EPHA3: variants seen among roughly 807,000 people sequenced by gnomAD.
The protein encoded by EPHA3 is ephrin type-A receptor 3.
Under a neutral mutation model 107.1 loss-of-function variants are expected in EPHA3, and 42 were observed. The observed-to-expected ratio is 0.39, with a 90% CI of 0.31 to 0.51. The LOEUF (loss-of-function observed/expected upper bound fraction) is 0.51, where lower values mean the gene tolerates loss of function less well. Ranked by LOEUF, EPHA3 falls within the 20% of genes least tolerant of loss-of-function variation. The pLI is 0.78. For missense variants in EPHA3, 1,183 were observed against 1,211.2 expected (o/e 0.98, Z 0.35); for synonymous variants, 461 against 424.8 (o/e 1.09, Z -1.05).
At chr3:89,288,579 A>G (rs1706143185) in intron 3 of EPHA3, among the ~76,000 whole-genome samples, 1 of 152,148 alleles carries the variant, frequency 6.6e-6, no homozygotes, top group African/African-American at 2.4e-5. Context: ...TTGAACCAAT[A>G]CTTCTATGTG....
intron 16 of EPHA3, among the ~76,000 whole-genome samples, chr3:89,473,266 A>G (rs1710442611): frequency 6.6e-6 from 1 of 152,208 alleles, no homozygotes; most frequent in African/African-American, 2.4e-5. Context: ...ATTAATTGAT[A>G]GCTTTATGTG....
At chr3:89,170,552 A>C (rs77735727) in intron 2 of EPHA3, among the ~76,000 whole-genome samples, 2,594 of 152,264 alleles carry the variant, frequency 0.017, 69 homozygotes, top group African/African-American at 0.057. Flanking sequence ...AGTTGATGAC[A>C]TACGAACTAG....
In EPHA3 at chr3:89,479,550, C is replaced by G. The variant is rs745738907; in HGVS notation, c.*48C>G. On this transcript the variant is annotated 3_prime_UTR_variant, in exon 17 of 17. Transcript: ENST00000336596. ...GGACGGAAGTGGTGGCTGTGGAAGG[C>G]GTAGCATCATCCTGCAGACAGACAA... The G allele has an allele frequency of 1.4e-6, 2 of 1,415,046 alleles. No homozygotes were observed. Among genetic ancestry groups the G allele is most frequent in the East Asian group, 4.6e-5 (2 of 43,828 alleles). The allele number at this position is 1,415,046 out of a possible 1,614,324, so 87.7% of individuals were successfully genotyped here.
At chr3:89,225,329 C>A (rs1206077122) in intron 3 of EPHA3, among the ~76,000 whole-genome samples, 1 of 152,010 alleles carries the variant, frequency 6.6e-6, no homozygotes, top group Non-Finnish European at 1.5e-5. Flanking sequence ...TTACTTACTC[C>A]AAAAGATTTT....
chr3:89,254,382 G>A (rs1435116137), intron 3 of EPHA3, among the ~76,000 whole-genome samples: 4 of 152,140 alleles, frequency 2.6e-5, no homozygotes, highest in African/African-American at 9.7e-5. Context: ...AATAATGGGA[G>A]GAGCCATCGA....
At chr3:89,279,286 T>C (rs576741390) in intron 3 of EPHA3, among the ~76,000 whole-genome samples, 1 of 152,224 alleles carries the variant, frequency 6.6e-6, no homozygotes, top group African/African-American at 2.4e-5. Flanking sequence ...GTCTTTTCTT[T>C]TAATGGAATT....
intron 3 of EPHA3, among the ~76,000 whole-genome samples, chr3:89,308,439 G>A (rs1706679395): frequency 1.3e-5 from 2 of 152,072 alleles, no homozygotes; most frequent in South Asian, 4.1e-4. Flanking sequence ...AATAGTGTGT[G>A]GGTGGGTGGT....
intron 12 of EPHA3, among the ~76,000 whole-genome samples, chr3:89,429,807 G>T (rs554712271): frequency 6.7e-6 from 1 of 149,094 alleles, no homozygotes; most frequent in South Asian, 2.1e-4. Context: ...TGGTGCAATG[G>T]TGCAATGGTG....
chr3:89,235,374 G>GAGCCTAA (rs1451850699), intron 3 of EPHA3, among the ~76,000 whole-genome samples: 1 of 152,082 alleles, frequency 6.6e-6, no homozygotes, highest in Non-Finnish European at 1.5e-5. Flanking sequence ...CTAGAGATGT[G>GAGCCTAA]AGCCTAAGAT....
chr3:89,419,230 T>C lies in EPHA3; in HGVS notation c.1914T>C (p.Gly638=), dbSNP rs148141668. 20 of 1,609,038 alleles carry C rather than the reference T, an allele frequency of 1.2e-5. No homozygotes were observed. In the African/African-American group the frequency reaches 2.4e-4, roughly 19 times the overall value. The change falls in exon 11 of 17, where the codon GGT becomes GGC. Residue 638 remains glycine (G), a synonymous_variant. Coordinates refer to ENST00000336596, the MANE Select transcript of EPHA3 (RefSeq NM_005233.6). The part of the protein sequence containing the change: ...GAGEFGEVCS[G]RLKLPSKKEI... ...GTGAATTTGGAGAGGTGTGCAGTGG[T>C]CGCTTAAAACTTCCTTCAAAAAAAG...
intron 3 of EPHA3, among the ~76,000 whole-genome samples, chr3:89,222,603 T>C (rs1439894252): frequency 6.6e-6 from 1 of 151,576 alleles, no homozygotes; most frequent in Non-Finnish European, 1.5e-5. Context: ...TTAGTACATA[T>C]ACATTTTTAG....
chr3:89,245,382 TA>T (rs1252633463), intron 3 of EPHA3, among the ~76,000 whole-genome samples: 10 of 152,214 alleles, frequency 6.6e-5, no homozygotes, highest in Admixed American at 1.3e-4. Context: ...TCACAGTTAA[TA>T]ATCTTCAAAA....
intron 5 of EPHA3, among the ~76,000 whole-genome samples, chr3:89,384,614 G>A: frequency 6.6e-6 from 1 of 152,132 alleles, no homozygotes; most frequent in Admixed American, 6.5e-5. Flanking sequence ...ACAATTAAAT[G>A]CATATCTGTC....
At chr3:89,351,239 T>C (rs569626171) in intron 5 of EPHA3, among the ~76,000 whole-genome samples, 2,454 of 151,166 alleles carry the variant, frequency 0.016, 70 homozygotes, top group African/African-American at 0.053. Flanking sequence ...TGCAGTTTGA[T>C]CTCAGACTGC....
intron 3 of EPHA3, among the ~76,000 whole-genome samples, chr3:89,282,459 T>C (rs987312979): frequency 1.3e-5 from 2 of 152,146 alleles, no homozygotes; most frequent in Non-Finnish European, 2.9e-5. Context: ...TATATACTTT[T>C]CATTTGGGAG....
chr3:89,327,163 T>C (rs1318576744), intron 3 of EPHA3, among the ~76,000 whole-genome samples: 7 of 152,144 alleles, frequency 4.6e-5, no homozygotes, highest in Non-Finnish European at 7.4e-5. Context: ...ACATGTAGAA[T>C]GTGCTTTCTA....
At chr3:89,219,397 A>G (rs1039240010) in intron 3 of EPHA3, among the ~76,000 whole-genome samples, 1 of 152,018 alleles carries the variant, frequency 6.6e-6, no homozygotes, top group Non-Finnish European at 1.5e-5. Context: ...TCTCCACCTC[A>G]GGTGATCTGC....
chr3:89,322,243 T>G (rs1164174845), intron 3 of EPHA3, among the ~76,000 whole-genome samples: 1 of 152,080 alleles, frequency 6.6e-6, no homozygotes, highest in Admixed American at 6.6e-5. Flanking sequence ...AATAATGCTA[T>G]GATCACCTAA....
chr3:89,354,201 C>T (rs1159020896), intron 5 of EPHA3, among the ~76,000 whole-genome samples: 1 of 151,082 alleles, frequency 6.6e-6, no homozygotes, highest in Non-Finnish European at 1.5e-5. Flanking sequence ...ATGTGTTCTA[C>T]CTCCCTAAAG....
Sources: allele counts gnomAD v4.1 joint callset (sites outside exome capture counted in the v4.1 genomes callset), GRCh38; gene constraint gnomAD v4.1.1; transcripts MANE v1.5; gene names NCBI Gene and HGNC (gene_info 2026-07-23, HGNC 2026-07-21).